The following MAGI1 variants were observed in gnomAD, a reference collection of about 807,000 sequenced individuals.
MAGI1 encodes membrane-associated guanylate kinase, WW and PDZ domain-containing protein 1.
Under a neutral mutation model 139.9 loss-of-function variants are expected in MAGI1, and 58 were observed. The ratio of observed to expected loss-of-function variants is 0.41; its 90% CI spans 0.34 to 0.52. MAGI1 has a LOEUF of 0.52. MAGI1 is among the 20% of genes least tolerant of loss of function. The probability of loss-of-function intolerance (pLI) is 0.12; values close to 1 mark genes in which losing one functional copy is unlikely to be tolerated. For missense variants in MAGI1, 1,874 were observed against 1,901.6 expected, an observed-to-expected ratio of 0.99 and a Z score of 0.27; for synonymous variants, 812 against 737.9, an observed-to-expected ratio of 1.10 and a Z score of -1.63.
chr3:65,786,608 A>AT (rs34768515), intron 1 of MAGI1, among the ~76,000 whole-genome samples: 50,928 of 127,880 alleles, frequency 0.4, 10,454 homozygotes, highest in Admixed American at 0.53. Context: ...TGGCCCAAGA[A>AT]TTTTTTTTTT....
chr3:65,984,620 C>T (rs1335342918), intron 1 of MAGI1, among the ~76,000 whole-genome samples: 1 of 151,324 alleles, frequency 6.6e-6, no homozygotes, highest in Non-Finnish European at 1.5e-5. Context: ...GCTTCAGCCT[C>T]CCCAGCTTAA....
rs79496344 is a variant in MAGI1 at position 65,373,699 on chromosome 3, T to C, written c.3196+2046A>G. Among the ~76,000 whole-genome samples, 596 of 152,356 alleles carry C rather than the reference T, an allele frequency of 3.9e-3. 2 individuals are homozygous for C. Among genetic ancestry groups the C allele is most frequent in the African/African-American group, 0.013 (561 of 41,594 alleles). On this transcript the variant is annotated intron_variant, in intron 18 of 22. Coordinates refer to ENST00000402939, the MANE Select transcript of MAGI1 (RefSeq NM_001033057.2). The stretch of plus-strand genomic sequence containing the variant: ...CTTCATCCTTCCTATTAGGAACCTA[T>C]GTTCTATCATCTTGTGACCACTTTC...
At chr3:65,391,768 A>G (rs552786151) in intron 13 of MAGI1, among the ~76,000 whole-genome samples, 4 of 152,336 alleles carry the variant, frequency 2.6e-5, no homozygotes, top group Admixed American at 6.5e-5. Context: ...AAATATAATC[A>G]GGGCTAAAGA....
intron 3 of MAGI1, among the ~76,000 whole-genome samples, chr3:65,493,030 A>G (rs1271909323): frequency 1.3e-5 from 2 of 149,288 alleles, no homozygotes; most frequent in Admixed American, 1.4e-4. Flanking sequence ...GTGAGCCAAG[A>G]TCGCGCCACT....
intron 1 of MAGI1, among the ~76,000 whole-genome samples, chr3:65,805,733 T>C (rs1022355993): frequency 6.6e-6 from 1 of 152,176 alleles, no homozygotes; most frequent in South Asian, 2.1e-4. Context: ...GTGGCACATA[T>C]ACACCGTGGA....
At chr3:65,526,428 C>T (rs1381769567) in intron 2 of MAGI1, among the ~76,000 whole-genome samples, 4 of 152,174 alleles carry the variant, frequency 2.6e-5, no homozygotes, top group African/African-American at 9.7e-5. Flanking sequence ...TTACTTGCAA[C>T]GTATGTTATG....
chr3:65,881,015 T>G (rs79071465), intron 1 of MAGI1, among the ~76,000 whole-genome samples: 1 of 151,842 alleles, frequency 6.6e-6, no homozygotes, highest in Non-Finnish European at 1.5e-5. Flanking sequence ...TCAAGCGATC[T>G]TCCCGCCTCA....
At chr3:65,734,537 G>A (rs1000577223) in intron 1 of MAGI1, among the ~76,000 whole-genome samples, 1 of 111,476 alleles carries the variant, frequency 9.0e-6, no homozygotes, top group African/African-American at 4.2e-5. Flanking sequence ...GAGAGAGGGG[G>A]AGAGAGAGAA....
chr3:65,380,430 C>A (rs1575566695), intron 16 of MAGI1, among the ~76,000 whole-genome samples: 1 of 152,280 alleles, frequency 6.6e-6, no homozygotes, highest in East Asian at 1.9e-4. Flanking sequence ...CATTTTTGTG[C>A]AACCATCATC....
At chr3:66,027,068 G>C (rs2068312337) in intron 1 of MAGI1, among the ~76,000 whole-genome samples, 1 of 151,804 alleles carries the variant, frequency 6.6e-6, no homozygotes, top group Non-Finnish European at 1.5e-5. Context: ...AGGAGATCGA[G>C]ATCATCCTGG....
intron 2 of MAGI1, among the ~76,000 whole-genome samples, chr3:65,590,624 T>G (rs1019587656): frequency 2.0e-5 from 3 of 152,188 alleles, no homozygotes; most frequent in African/African-American, 7.2e-5. Flanking sequence ...CCATTCGTCT[T>G]TAATTAGCTG....
intron 1 of MAGI1, among the ~76,000 whole-genome samples, chr3:65,952,797 G>A (rs1470290443): frequency 6.6e-6 from 1 of 152,188 alleles, no homozygotes; most frequent in Non-Finnish European, 1.5e-5. Context: ...CTCGGCGACA[G>A]AGCGAGACTT....
chr3:65,764,376 C>A (rs1465576341), intron 1 of MAGI1, among the ~76,000 whole-genome samples: 2 of 152,190 alleles, frequency 1.3e-5, no homozygotes, highest in African/African-American at 4.8e-5. Context: ...TCCCCTCTCC[C>A]CCACTATTCA....
intron 1 of MAGI1, chr3:65,924,833 C>T (rs1042736779): frequency 6.6e-6 from 1 of 152,242 alleles, no homozygotes; most frequent in Non-Finnish European, 1.5e-5. Context: ...AAAGTACTCA[C>T]AGTCATGCCT....
chr3:65,854,907 A>T lies in MAGI1; in HGVS notation c.313+183089T>A, dbSNP rs958370878. Among the ~76,000 whole-genome samples the T allele has an allele frequency of 5.3e-5, 8 of 152,258 alleles. No homozygotes were observed. The South Asian group carries it at 1.7e-3, about 32-fold the overall frequency. On this transcript the variant is annotated intron_variant, in intron 1 of 22. Coordinates refer to ENST00000402939, the MANE Select transcript of MAGI1 (RefSeq NM_001033057.2). ...GAGAAGTATGACACCTTGGAAACGT[A>T]AACAGCATCCCCTAATCAAGGGCTG...
chr3:66,025,745 G>C (rs1288592323), intron 1 of MAGI1, among the ~76,000 whole-genome samples: 2 of 152,036 alleles, frequency 1.3e-5, no homozygotes, highest in Non-Finnish European at 2.9e-5. Context: ...GATAAAAATA[G>C]TGTTAACACA....
intron 1 of MAGI1, among the ~76,000 whole-genome samples, chr3:65,921,557 A>C (rs2062188050): frequency 6.6e-6 from 1 of 151,748 alleles, no homozygotes; most frequent in African/African-American, 2.4e-5. Flanking sequence ...TGATCCTCCC[A>C]CCTCAGCCTC....
chr3:65,561,182 A>G (rs1293872372), intron 2 of MAGI1, among the ~76,000 whole-genome samples: 1 of 152,288 alleles, frequency 6.6e-6, no homozygotes, highest in South Asian at 2.1e-4. Flanking sequence ...TGGAAATGTG[A>G]CAGCTATCTT....
intron 1 of MAGI1, among the ~76,000 whole-genome samples, chr3:65,935,787 G>C (rs2063022520): frequency 1.3e-5 from 2 of 152,292 alleles, no homozygotes; most frequent in South Asian, 4.1e-4. Flanking sequence ...ATGCTGCCCT[G>C]AAACTGCCAA....
Sources: allele counts gnomAD v4.1 joint callset (sites outside exome capture counted in the v4.1 genomes callset), GRCh38; gene constraint gnomAD v4.1.1; transcripts MANE v1.5; gene names NCBI Gene and HGNC (gene_info 2026-07-23, HGNC 2026-07-21).